NSUN6: variants seen among roughly 807,000 people sequenced by gnomAD.
NSUN6 encodes tRNA (cytosine(72)-C(5))-methyltransferase NSUN6.
Under a neutral mutation model 58.0 loss-of-function variants are expected in NSUN6, and 64 were observed. That is an observed-to-expected ratio of 1.10 (90% CI 0.90 to 1.36). The LOEUF (loss-of-function observed/expected upper bound fraction) is 1.36. Among genes scored for constraint, NSUN6 ranks in the 40% most tolerant of loss-of-function variants. NSUN6 has a pLI of 0.00. For missense variants in NSUN6, 701 were observed against 550.1 expected (o/e 1.27, Z -2.74); for synonymous variants, 231 against 193.9 (o/e 1.19, Z -1.59).
At chr10:18,638,582 GAA>G (rs1242053833) in intron 3 of NSUN6, among the ~76,000 whole-genome samples, 1 of 152,160 alleles carries the variant, frequency 6.6e-6, no homozygotes, top group Non-Finnish European at 1.5e-5. Context: ...TTACAAGGAG[GAA>G]AAGTTTTTGG....
chr10:18,585,006 AAAAAG>A (rs938958721), intron 8 of NSUN6, among the ~76,000 whole-genome samples: 78 of 151,982 alleles, frequency 5.1e-4, no homozygotes, highest in African/African-American at 1.8e-3. Flanking sequence ...TTAAAAAAAA[AAAAAG>A]AGAGAGAAGG....
chr10:18,652,348 T>A, upstream of NSUN6: 3 of 983,284 alleles, frequency 3.1e-6, no homozygotes, highest in Non-Finnish European at 3.6e-6. Context: ...CCTTGACATA[T>A]GTTTTTTGCA....
chr10:18,595,694 T>C (rs887557943), intron 7 of NSUN6, among the ~76,000 whole-genome samples: 27 of 152,246 alleles, frequency 1.8e-4, no homozygotes, highest in Non-Finnish European at 4.0e-4. Flanking sequence ...TTTCTCTTTT[T>C]TGATTCTCAT....
rs1233199981 is a variant in NSUN6 at position 18,644,850 on chromosome 10, C to CA, written c.232-2296dup. On this transcript the variant is annotated intron_variant, in intron 2 of 10. Coordinates refer to ENST00000377304, the MANE Select transcript of NSUN6 (RefSeq NM_182543.5). Reference sequence around the variant, plus strand: ...GCGAGACTCCGTCTCAAAAAAAAAACAAAAAAAAAAAACTGAAAACGTGTA... The same window carrying CA: ...GCGAGACTCCGTCTCAAAAAAAAAACAAAAAAAAAAAAACTGAAAACGTGTA... 7.2e-3 allele frequency among the ~76,000 whole-genome samples: 797 copies of CA among 111,438 alleles called. 2 individuals carry two copies. The highest frequency in any genetic ancestry group is 9.9e-3 in the Non-Finnish European group (513 of 51,978). The allele number at this position is 111,438 out of a possible 152,430, so 73.1% of individuals were successfully genotyped here.
intron 2 of NSUN6, among the ~76,000 whole-genome samples, chr10:18,645,080 C>A (rs1418584192): frequency 1.3e-5 from 2 of 148,710 alleles, no homozygotes; most frequent in Non-Finnish European, 3.0e-5. Context: ...ATTGCTTGAA[C>A]CTGGGAGGCA....
At chr10:18,637,493 G>T (rs1253417526) in intron 3 of NSUN6, among the ~76,000 whole-genome samples, 2 of 152,226 alleles carry the variant, frequency 1.3e-5, no homozygotes, top group Non-Finnish European at 2.9e-5. Flanking sequence ...AAAATGGCCA[G>T]TACTGGCAAG....
chr10:18,612,408 C>A (rs2058269130), intron 5 of NSUN6, among the ~76,000 whole-genome samples: 1 of 152,142 alleles, frequency 6.6e-6, no homozygotes, highest in Admixed American at 6.5e-5. Flanking sequence ...CAGAGCGAGA[C>A]CCTATTTCTA....
At chr10:18,623,745 C>T (rs1396758397) in intron 3 of NSUN6, among the ~76,000 whole-genome samples, 1 of 152,182 alleles carries the variant, frequency 6.6e-6, no homozygotes, top group African/African-American at 2.4e-5. Flanking sequence ...CTGCTCATGA[C>T]TTAAGTTATC....
chr10:18,608,234 T>C (rs1009774721), intron 6 of NSUN6, among the ~76,000 whole-genome samples: 7 of 152,192 alleles, frequency 4.6e-5, no homozygotes, highest in Admixed American at 1.3e-4. Context: ...CAATATTTCA[T>C]AAAGTCATCA....
intron 7 of NSUN6, 26 bp downstream of exon 7, chr10:18,596,182 T>A: frequency 6.3e-7 from 1 of 1,589,458 alleles, no homozygotes; most frequent in South Asian, 1.1e-5. Context: ...ACTTTGAGAG[T>A]GGATTTGCTG....
At chr10:18,563,170 AATGGAATGGAGAATGGT>A (rs2055665385) in intron 8 of NSUN6, among the ~76,000 whole-genome samples, 1 of 96,334 alleles carries the variant, frequency 1.0e-5, no homozygotes, top group Non-Finnish European at 2.1e-5. Flanking sequence ...TGGAGAATGG[AATGGAATGGAGAATGGT>A]ATGGAATGGA....
intron 3 of NSUN6, among the ~76,000 whole-genome samples, chr10:18,625,810 G>C (rs374205808): frequency 8.4e-5 from 12 of 142,334 alleles, no homozygotes; most frequent in African/African-American, 2.6e-4. Flanking sequence ...GTCTAAAGTT[G>C]AATAACTAAG....
chr10:18,557,357 G>T (rs1368276118), intron 8 of NSUN6, among the ~76,000 whole-genome samples: 1 of 151,082 alleles, frequency 6.6e-6, no homozygotes, highest in Non-Finnish European at 1.5e-5. Flanking sequence ...ATGGAGGATG[G>T]TATGGAGAAT....
At chr10:18,595,191 C>A (rs1205875223) in intron 7 of NSUN6, among the ~76,000 whole-genome samples, 1 of 152,186 alleles carries the variant, frequency 6.6e-6, no homozygotes, top group Non-Finnish European at 1.5e-5. Flanking sequence ...GTGAGCCCAG[C>A]AGGGATCAGC....
intron 3 of NSUN6, among the ~76,000 whole-genome samples, chr10:18,640,494 C>T (rs181257376): frequency 2.6e-5 from 4 of 152,302 alleles, no homozygotes; most frequent in Admixed American, 1.3e-4. Context: ...TACAATTTTG[C>T]ATCCTCATAA....
chr10:18,591,113 A>G (rs1189792947), intron 7 of NSUN6, among the ~76,000 whole-genome samples: 1 of 152,220 alleles, frequency 6.6e-6, no homozygotes, highest in Non-Finnish European at 1.5e-5. Context: ...AAACCCCTCC[A>G]TGCAAATAAC....
intron 3 of NSUN6, among the ~76,000 whole-genome samples, chr10:18,640,172 T>C (rs111653526): frequency 0.013 from 1,928 of 152,316 alleles, 40 homozygotes; most frequent in African/African-American, 0.042. Flanking sequence ...TTGCAGAACA[T>C]TGTAATCTTT....
chr10:18,629,678 G>C (rs1033522793), intron 3 of NSUN6, among the ~76,000 whole-genome samples: 6 of 151,670 alleles, frequency 4.0e-5, no homozygotes, highest in African/African-American at 1.5e-4. Context: ...TAATGGTAAA[G>C]GGATCAATTC....
At chr10:18,622,500 G>C (rs1314322866) in intron 3 of NSUN6, among the ~76,000 whole-genome samples, 2 of 152,198 alleles carry the variant, frequency 1.3e-5, no homozygotes, top group Non-Finnish European at 2.9e-5. Context: ...GATTACCTGA[G>C]GTCAGGAGTT....
Sources: allele counts gnomAD v4.1 joint callset (sites outside exome capture counted in the v4.1 genomes callset), GRCh38; gene constraint gnomAD v4.1.1; transcripts MANE v1.5; gene names NCBI Gene and HGNC (gene_info 2026-07-23, HGNC 2026-07-21).